The following DHH variants were observed in gnomAD, a reference collection of about 807,000 sequenced individuals.
DHH encodes the protein desert hedgehog signaling molecule.
A neutral mutation model predicts 27.6 loss-of-function variants in DHH; 16 were observed. The observed-to-expected ratio is 0.58, with a 90% CI of 0.39 to 0.88. The LOEUF (loss-of-function observed/expected upper bound fraction) is 0.88, where lower values mean the gene tolerates loss of function less well. Among genes scored for constraint, DHH ranks in the 40% least tolerant of loss-of-function variants. The pLI is 0.00. For synonymous variants in DHH, 289 were observed against 263.4 expected, an observed-to-expected ratio of 1.10 and a Z score of -0.94; for missense variants, 436 against 563.1, an observed-to-expected ratio of 0.77 and a Z score of 2.28.
At position 49,090,420 on chromosome 12, in the gene DHH, G is replaced by T. The variant is rs764922471; in HGVS notation, c.630C>A (p.Ser210Arg). Residue 210 changes from serine to arginine, a missense_variant, in exon 3 of 3, where the codon AGC becomes AGA. By Grantham distance (110) the Ser-to-Arg change is moderately radical. Transcript: ENST00000649637. The surrounding 1 kb of genome is among the most constrained non-coding windows in gnomAD (Gnocchi z 5.2). ...FPGNATVRLW[S>R]GERKGLRELH... ...GTTCCCGCAGCCCTTTCCGCTCGCC[G>T]CTCCACAGGCGCACAGTTGCATTTC... 6.2e-6 allele frequency: 10 copies of T among 1,608,844 alleles called. No homozygotes were observed. The Admixed American group carries it at 1.2e-4, about 19-fold the overall frequency.
In DHH at chr12:49,087,712, T is replaced by G. The variant is rs557801033; in HGVS notation, c.*2147A>C. 1.4e-4 allele frequency among the ~76,000 whole-genome samples: 22 copies of G among 152,070 alleles called. No individual in the cohort carries two copies. The highest frequency in any genetic ancestry group is 8.5e-4 in the Admixed American group (13 of 15,268). On this transcript the variant is annotated 3_prime_UTR_variant, in exon 3 of 3. Coordinates refer to ENST00000649637, the MANE Select transcript of DHH (RefSeq NM_021044.4). ...AGCGAGATCCTGTCTCTTTAAAAAA[T>G]ACATGTATATATATATGCATTACCT...
Position 49,094,200 on chromosome 12 carries a change from C to T in DHH, c.303+10G>A, listed in dbSNP as rs372590251. The T allele has an allele frequency of 1.2e-6, 2 of 1,613,302 alleles. No homozygotes were observed. Among genetic ancestry groups the T allele is most frequent in the African/African-American group, 1.3e-5 (1 of 75,026 alleles). ...GTGCCCCGGCGCAGGTAGGGAGAGG[C>T]CCTCCTTACCTCGGTCATCAGGCGG... On this transcript the variant is annotated intron_variant, in intron 1 of 2. Coordinates refer to ENST00000649637, the MANE Select transcript of DHH (RefSeq NM_021044.4).
rs752431933 is a variant in DHH at position 49,088,723 on chromosome 12, G to A, written c.*1136C>T. On this transcript the variant is annotated 3_prime_UTR_variant, in exon 3 of 3. Transcript: ENST00000649637. ...GGTGATAATGGGAGAGGGAGGAGGA[G>A]GCGCTGAAGACCAAGCCAGTAGAAA... 1.6e-4 allele frequency among the ~76,000 whole-genome samples: 25 copies of A among 152,152 alleles called. No homozygotes were observed. The highest frequency in any genetic ancestry group is 1.3e-4 in the Non-Finnish European group (9 of 68,026).
Position 49,094,660 on chromosome 12 carries a change from G to T in DHH, c.-148C>A. 2 of 965,974 alleles carry T rather than the reference G, an allele frequency of 2.1e-6. No homozygotes were observed. Among genetic ancestry groups the T allele is most frequent in the Non-Finnish European group, 3.2e-6 (2 of 625,422 alleles). The allele number at this position is 965,974 out of a possible 1,614,324, so 59.8% of individuals were successfully genotyped here. On this transcript the variant is annotated 5_prime_UTR_variant, in exon 1 of 3. Coordinates refer to ENST00000649637, the MANE Select transcript of DHH (RefSeq NM_021044.4). ...CTCTTGTGGCTCCGTGCACCTGGCT[G>T]CTGCTAGCTCTGCCCACGTGCCCCG...
Position 49,089,712 on chromosome 12 carries a change from G to T in DHH, c.*147C>A. 3 of 1,081,396 alleles carry T rather than the reference G, an allele frequency of 2.8e-6. No homozygotes were observed. The highest frequency in any genetic ancestry group is 3.8e-6 in the Non-Finnish European group (3 of 792,220). The allele number at this position is 1,081,396 out of a possible 1,614,324, so 67.0% of individuals were successfully genotyped here. ...TATCACCTCCTCTCAGTACGAGGTT[G>T]CCCCTAAGCCAGGCATAGCCCCATT... is the stretch of plus-strand genomic sequence containing the variant. On this transcript the variant is annotated 3_prime_UTR_variant, in exon 3 of 3. Transcript: ENST00000649637.
intron 1 of DHH, chr12:49,092,882 G>A (rs1939330565): frequency 6.6e-6 from 1 of 152,274 alleles, no homozygotes; most frequent in Admixed American, 6.5e-5. Flanking sequence ...AGGAAAGAAG[G>A]AATGCCCCTT....
rs1488438995 is a variant in DHH at position 49,087,113 on chromosome 12, G to A, written c.*2746C>T. Among the ~76,000 whole-genome samples the A allele has an allele frequency of 6.6e-6, 1 of 152,138 alleles. No homozygotes were observed. Among genetic ancestry groups the A allele is most frequent in the African/African-American group, 2.4e-5 (1 of 41,424 alleles). On this transcript the variant is annotated 3_prime_UTR_variant, in exon 3 of 3. Transcript: ENST00000649637. ...TGATGGTGAAAGGTGCTGCAATTGG[G>A]AGGTGTTGCATGGCCAAGTGAATAT...
chr12:49,093,645 C>T (rs761042264), intron 1 of DHH, among the ~76,000 whole-genome samples: 2 of 152,108 alleles, frequency 1.3e-5, no homozygotes, highest in African/African-American at 2.4e-5. Flanking sequence ...TAGAATAGAC[C>T]CTAGAATAGA....
chr12:49,094,564 C>T lies in DHH; in HGVS notation c.-52G>A, dbSNP rs1368735785. ...GAGCGTTCTTGTCCTCACTAACTCT[C>T]CTGTCAGTTAGGCATCTCCACAGGC... On this transcript the variant is annotated 5_prime_UTR_variant, in exon 1 of 3. Coordinates refer to ENST00000649637, the MANE Select transcript of DHH (RefSeq NM_021044.4). The T allele has an allele frequency of 1.3e-6, 2 of 1,538,124 alleles. No homozygotes were observed. Among genetic ancestry groups the T allele is most frequent in the Non-Finnish European group, 1.8e-6 (2 of 1,136,312 alleles).
In DHH at chr12:49,090,330, C is replaced by T. The variant is rs1334942351; in HGVS notation, c.720G>A (p.Leu240=). The T allele has an allele frequency of 4.4e-6, 7 of 1,605,728 alleles. No homozygotes were observed. The highest frequency in any genetic ancestry group is 5.9e-6 in the Non-Finnish European group (7 of 1,177,104). ...ASGRVVPTPV[L]LFLDRDLQRR... ...GCTGCAAGTCCCGGTCCAGGAAGAG[C>T]AGCACCGGCGTGGGCACCACCCGGC... Residue 240 remains leucine (L), a synonymous_variant, in exon 3 of 3, where the codon CTG becomes CTA. Coordinates refer to ENST00000649637, the MANE Select transcript of DHH (RefSeq NM_021044.4). The surrounding 1 kb of genome is among the most constrained non-coding windows in gnomAD (Gnocchi z 5.2).
At position 49,091,512 on chromosome 12, in the gene DHH, C is replaced by A; in HGVS notation, c.304-123G>T. ...TTACCCCTCCCAGCTTTTGAGTGTC[C>A]TGGAGAAATGAGAATCTGAGTCGAT... On this transcript the variant is annotated intron_variant, in intron 1 of 2. Coordinates refer to ENST00000649637, the MANE Select transcript of DHH (RefSeq NM_021044.4). This position sits in a 1 kb window ranked among gnomAD's most constrained non-coding sequence, Gnocchi z 4.8. 1 of 1,400,860 alleles carries A rather than the reference C, an allele frequency of 7.1e-7. No homozygotes were observed. The highest frequency in any genetic ancestry group is 9.7e-7 in the Non-Finnish European group (1 of 1,027,224). The allele number at this position is 1,400,860 out of a possible 1,614,324, so 86.8% of individuals were successfully genotyped here.
rs571564749 is a variant in DHH, at chr12:49,087,288, G to A, written c.*2571C>T. Among the ~76,000 whole-genome samples, 1 of 151,996 alleles carries A rather than the reference G, an allele frequency of 6.6e-6. No individual in the cohort carries two copies. The highest frequency in any genetic ancestry group is 1.5e-5 in the Non-Finnish European group (1 of 68,008). ...GAGAGGTAAGCCTCAAGCCTAGAAA[G>A]TTACTTACAGGATGTAGTTTAAGGG... On this transcript the variant is annotated 3_prime_UTR_variant, in exon 3 of 3. Coordinates refer to ENST00000649637, the MANE Select transcript of DHH (RefSeq NM_021044.4).
In DHH at chr12:49,092,606, G is replaced by T. The variant is rs562438271; in HGVS notation, c.304-1217C>A. Reference sequence around the variant, plus strand: ...CCTCCACCCCGCAGAGTTGGGGTTGGGTGGGGGGAAAACAGGAAAAGTGGT... The same window carrying T: ...CCTCCACCCCGCAGAGTTGGGGTTGTGTGGGGGGAAAACAGGAAAAGTGGT... On this transcript the variant is annotated intron_variant, in intron 1 of 2. Transcript: ENST00000649637. Among the ~76,000 whole-genome samples the T allele has an allele frequency of 6.0e-4, 92 of 152,334 alleles. 3 individuals are homozygous for T. The highest frequency in any genetic ancestry group is 6.8e-3 in the Middle Eastern group (2 of 294).
In DHH at chr12:49,090,698, TG is replaced by T. The variant is rs1437152333; in HGVS notation, c.566-215del. Among the ~76,000 whole-genome samples, 41 of 150,786 alleles carry T rather than the reference TG, an allele frequency of 2.7e-4. No homozygotes were observed. Among genetic ancestry groups the T allele is most frequent in the Admixed American group, 4.7e-4 (7 of 14,982 alleles). ...ATGTATGTATGTATGTATGTATGTA[TG>T]TATGTATGTATGTATTTTGAGATAG... On this transcript the variant is annotated intron_variant, in intron 2 of 2. Transcript: ENST00000649637. The surrounding 1 kb of genome is among the most constrained non-coding windows in gnomAD (Gnocchi z 5.2).
At position 49,088,574 on chromosome 12, in the gene DHH, A is replaced by G. The variant is rs1939244248; in HGVS notation, c.*1285T>C. Among the ~76,000 whole-genome samples the G allele has an allele frequency of 6.6e-6, 1 of 152,076 alleles. No individual in the cohort carries two copies. The highest frequency in any genetic ancestry group is 6.5e-5 in the Admixed American group (1 of 15,268). On this transcript the variant is annotated 3_prime_UTR_variant, in exon 3 of 3. Transcript: ENST00000649637. ...TCCACCCAAGACACTTCCCTTCTGG[A>G]GCAGCCCAGCTTCCTCCAGAGCTTC...
At position 49,091,393 on chromosome 12, in the gene DHH, G is replaced by A. The variant is rs1939301238; in HGVS notation, c.304-4C>T. On this transcript the variant is annotated splice_region_variant and splice_polypyrimidine_tract_variant and intron_variant, in intron 1 of 2. Transcript: ENST00000649637. This position sits in a 1 kb window ranked among gnomAD's most constrained non-coding sequence, Gnocchi z 4.8. ...CGTTCACCCGCTCCTTACAACGCTG[G>A]CGGGGAATAAAGGAGTCAGTCTCCC... 2 of 1,613,888 alleles carry A rather than the reference G, an allele frequency of 1.2e-6. No individual in the cohort carries two copies. Among genetic ancestry groups the A allele is most frequent in the Non-Finnish European group, 1.7e-6 (2 of 1,180,028 alleles).
rs1021345117 is a variant in DHH at position 49,087,492 on chromosome 12, C to G, written c.*2367G>C. On this transcript the variant is annotated 3_prime_UTR_variant, in exon 3 of 3. Coordinates refer to ENST00000649637, the MANE Select transcript of DHH (RefSeq NM_021044.4). ...ACTTTGTGGGGCAAAGGCGGGAGCC[C>G]AGGAGTTCAAGACCAGCCTGGGCAA... Among the ~76,000 whole-genome samples, 2 of 152,162 alleles carry G rather than the reference C, an allele frequency of 1.3e-5. No homozygotes were observed.
chr12:49,090,474 C>G lies in DHH; in HGVS notation c.576G>C (p.Leu192=), dbSNP rs886049492. 3.5e-5 allele frequency: 56 copies of G among 1,601,582 alleles called. No individual in the cohort carries two copies. Among genetic ancestry groups the G allele is most frequent in the Non-Finnish European group, 4.7e-5 (55 of 1,179,822 alleles). The change falls in exon 3 of 3, where the codon CTG becomes CTC. Residue 192 remains leucine (L), a synonymous_variant. Transcript: ENST00000649637. This position sits in a 1 kb window ranked among gnomAD's most constrained non-coding sequence, Gnocchi z 5.2. ...VHVSVKADNS[L]AVRAGGCFPG... ...GAAAGCAGCCGCCCGCCCGGACCGC[C>G]AGTGAGTTATCTGCAGGGAACAACC... is the stretch of plus-strand genomic sequence containing the variant.
Position 49,090,433 on chromosome 12 carries a change from A to G in DHH, c.617T>C (p.Val206Ala), listed in dbSNP as rs1411967997. ...AGGCFPGNATVRLWSGERKGL... is the reference protein window; with the variant it reads ...AGGCFPGNATARLWSGERKGL... ...TTTCCGCTCGCCGCTCCACAGGCGC[A>G]CAGTTGCATTTCCCGGAAAGCAGCC... The change falls in exon 3 of 3, where the codon GTG (valine) becomes GCG (alanine). Residue 206 changes from valine (V) to alanine (A), a missense_variant. Val to Ala is a moderately conservative substitution (Grantham distance 64, BLOSUM62 0). Transcript: ENST00000649637. This position sits in a 1 kb window ranked among gnomAD's most constrained non-coding sequence, Gnocchi z 5.2. 6.2e-7 allele frequency: 1 copy of G among 1,609,002 alleles called. No homozygotes were observed. Among genetic ancestry groups the G allele is most frequent in the Non-Finnish European group, 8.5e-7 (1 of 1,179,616 alleles).
Sources: gnomAD v4.1 joint callset for allele counts (sites outside exome capture counted in the v4.1 genomes callset) on GRCh38, gnomAD v4.1.1 for gene constraint, Gnocchi (gnomAD v3.1) non-coding constraint, MANE v1.5 for transcripts, NCBI Gene and HGNC (gene_info 2026-07-23, HGNC 2026-07-21) for gene names.